Variants in MAPK8 observed in about 807,000 individuals in gnomAD.
The protein encoded by MAPK8 is JUN N-terminal kinase.
In MAPK8, 13 loss-of-function variants were observed where a neutral mutation model predicts 52.9. The observed-to-expected ratio is 0.25, with a 90% CI of 0.16 to 0.39. MAPK8 has a LOEUF of 0.39. Among genes scored for constraint, MAPK8 ranks in the 10% least tolerant of loss-of-function variants. The pLI, the probability that MAPK8 is intolerant of heterozygous loss-of-function variation, is 1.00. For missense variants in MAPK8, 300 were observed against 519.2 expected (o/e 0.58, Z 4.10); for synonymous variants, 191 against 169.8 (o/e 1.12, Z -0.97).
intron 1 of MAPK8, among the ~76,000 whole-genome samples, chr10:48,363,030 C>T (rs911640872): frequency 1.3e-5 from 2 of 152,150 alleles, no homozygotes; most frequent in Non-Finnish European, 1.5e-5. Context: ...TGAACCGCCA[C>T]ACCTAGCGTG....
chr10:48,431,363 C>A, intron 11 of MAPK8, 93 bp downstream of exon 11: 1 of 803,906 alleles, frequency 1.2e-6, no homozygotes, highest in Non-Finnish European at 2.0e-6. Flanking sequence ...CCCATATTTA[C>A]AAAATCATTA....
At chr10:48,343,534 C>G (rs1394190662) in intron 1 of MAPK8, among the ~76,000 whole-genome samples, 1 of 152,168 alleles carries the variant, frequency 6.6e-6, no homozygotes, top group Non-Finnish European at 1.5e-5. Flanking sequence ...ATTTTTGAAC[C>G]TGCCACTCAA....
Position 48,312,952 on chromosome 10 carries a change from TC to T in MAPK8, c.-50+6133del, listed in dbSNP as rs574497234. On this transcript the variant is annotated intron_variant, in intron 1 of 11. Coordinates refer to ENST00000374189, the MANE Select transcript of MAPK8 (RefSeq NM_001323329.2). ...AACTGTTAAAATTCCTGTGAATACTTCCAAAGATAGTTTATATATGTTTAAG... is the reference window on the plus strand; with the variant it reads ...AACTGTTAAAATTCCTGTGAATACTTCAAAGATAGTTTATATATGTTTAAG... Among the ~76,000 whole-genome samples, 38 of 152,338 alleles carry T rather than the reference TC, an allele frequency of 2.5e-4. No homozygotes were observed. In the South Asian group the frequency reaches 6.6e-3, roughly 27 times the overall value.
chr10:48,395,236 T>G (rs893368726), intron 1 of MAPK8, among the ~76,000 whole-genome samples: 1 of 152,034 alleles, frequency 6.6e-6, no homozygotes, highest in Admixed American at 6.5e-5. Context: ...TTTAATGACT[T>G]AAATTGCCTG....
intron 1 of MAPK8, among the ~76,000 whole-genome samples, chr10:48,332,390 C>G (rs1161389754): frequency 6.6e-6 from 1 of 152,224 alleles, no homozygotes; most frequent in African/African-American, 2.4e-5. Context: ...CACCCATACC[C>G]TGTTGCATCA....
At chr10:48,426,586 A>T (rs2133244215) in intron 9 of MAPK8, 82 bp downstream of exon 9, 1 of 1,293,888 alleles carries the variant, frequency 7.7e-7, no homozygotes, top group Middle Eastern at 1.9e-4. Flanking sequence ...AGACCTTTTA[A>T]TTTTAAATAA....
chr10:48,372,111 T>C (rs1564543615), intron 1 of MAPK8, among the ~76,000 whole-genome samples: 1 of 152,110 alleles, frequency 6.6e-6, no homozygotes, highest in Non-Finnish European at 1.5e-5. Context: ...ATTAAATCAT[T>C]GGCCATTGGT....
At chr10:48,308,918 T>C (rs1476244252) in intron 1 of MAPK8, among the ~76,000 whole-genome samples, 4 of 152,384 alleles carry the variant, frequency 2.6e-5, no homozygotes, top group Admixed American at 6.5e-5. Context: ...GCGTTTGTTT[T>C]GTATTTGAAA....
At chr10:48,316,364 A>G (rs764649435) in intron 1 of MAPK8, among the ~76,000 whole-genome samples, 1 of 152,200 alleles carries the variant, frequency 6.6e-6, no homozygotes, top group African/African-American at 2.4e-5. Flanking sequence ...GGTATGTTGT[A>G]CTATCTAGGT....
At position 48,437,364 on chromosome 10, in the gene MAPK8, G is replaced by T. The variant is rs1404275908; in HGVS notation, c.*2335G>T. The stretch of plus-strand genomic sequence containing the variant: ...TAAGCATCTTAAACATTTTTTTTTT[G>T]AAGAGAAGTTACAAATAACATTTCT... On this transcript the variant is annotated 3_prime_UTR_variant, in exon 12 of 12. Coordinates refer to ENST00000374189, the MANE Select transcript of MAPK8 (RefSeq NM_001323329.2). 2.7e-5 allele frequency: 4 copies of T among 149,744 alleles called. No individual in the cohort carries two copies. The highest frequency in any genetic ancestry group is 6.6e-5 in the Admixed American group (1 of 15,140). 9.3% of individuals were successfully genotyped at this position (149,744 alleles called of 1,614,324 possible).
chr10:48,350,670 G>T (rs907940854), intron 1 of MAPK8, among the ~76,000 whole-genome samples: 33 of 152,222 alleles, frequency 2.2e-4, no homozygotes, highest in African/African-American at 7.9e-4. Flanking sequence ...ATACTGAATG[G>T]GCAAAAGCTA....
intron 3 of MAPK8, among the ~76,000 whole-genome samples, chr10:48,407,911 A>C (rs1337358320): frequency 6.6e-6 from 1 of 152,180 alleles, no homozygotes; most frequent in African/African-American, 2.4e-5. Context: ...TATTTGTCCA[A>C]GTCTCCTATT....
At chr10:48,421,643 G>T (rs2043362029) in intron 6 of MAPK8, among the ~76,000 whole-genome samples, 1 of 152,054 alleles carries the variant, frequency 6.6e-6, no homozygotes, top group Admixed American at 6.5e-5. Flanking sequence ...TGTCTCTACT[G>T]AAAGTACAGA....
intron 1 of MAPK8, among the ~76,000 whole-genome samples, chr10:48,318,014 G>A (rs982059800): frequency 2.0e-5 from 3 of 151,010 alleles, no homozygotes; most frequent in African/African-American, 7.3e-5. Context: ...ATTTACCCAG[G>A]GTGAGATTTT....
chr10:48,364,169 A>C lies in MAPK8; in HGVS notation c.-49-37443A>C, dbSNP rs73296755. ...ATTTATTTAGTGTTTTTGTGCTTGG[A>C]ATTGTATGGGGCAGTGGAGGGAAAT... On this transcript the variant is annotated intron_variant, in intron 1 of 11. Transcript: ENST00000374189. Among the ~76,000 whole-genome samples the C allele has an allele frequency of 3.5e-3, 532 of 152,212 alleles. 5 individuals carry two copies. The highest frequency in any genetic ancestry group is 0.012 in the African/African-American group (519 of 41,536).
intron 1 of MAPK8, among the ~76,000 whole-genome samples, chr10:48,329,571 G>T (rs992565622): frequency 6.6e-6 from 1 of 152,048 alleles, no homozygotes; most frequent in South Asian, 2.1e-4. Context: ...TGTAGTCAGT[G>T]ATGATATAAG....
At chr10:48,354,164 A>AT (rs917494523) in intron 1 of MAPK8, among the ~76,000 whole-genome samples, 16 of 152,052 alleles carry the variant, frequency 1.1e-4, no homozygotes, top group South Asian at 1.0e-3. Flanking sequence ...TTAAAAAAAA[A>AT]TTTTTTTAAA....
chr10:48,419,634 A>G (rs912371180), intron 5 of MAPK8, among the ~76,000 whole-genome samples: 2 of 152,202 alleles, frequency 1.3e-5, no homozygotes, highest in African/African-American at 4.8e-5. Flanking sequence ...GGAAAAATGG[A>G]TAATGACTCT....
At chr10:48,378,376 A>G (rs2040796835) in intron 1 of MAPK8, among the ~76,000 whole-genome samples, 1 of 151,802 alleles carries the variant, frequency 6.6e-6, no homozygotes, top group Admixed American at 6.6e-5. Flanking sequence ...TTGGAATCCC[A>G]TGATTTTAGT....
Sources: allele counts gnomAD v4.1 joint callset (sites outside exome capture counted in the v4.1 genomes callset), GRCh38; gene constraint gnomAD v4.1.1; transcripts MANE v1.5; gene names NCBI Gene and HGNC (gene_info 2026-07-23, HGNC 2026-07-21).